Variants in VPS39 observed in about 807,000 individuals in gnomAD.
VPS39 encodes VPS39 subunit of HOPS complex.
Under a neutral mutation model 121.0 loss-of-function variants are expected in VPS39, and 70 were observed. That is an observed-to-expected ratio of 0.58 (90% CI 0.48 to 0.71). The LOEUF is 0.71. Ranked by LOEUF, VPS39 falls within the 30% of genes least tolerant of loss-of-function variation. The pLI is 0.00. For synonymous variants in VPS39, 378 were observed against 398.1 expected (o/e 0.95, Z 0.60); for missense variants, 818 against 1,051.5 (o/e 0.78, Z 3.07).
chr15:42,162,027 C>T lies in VPS39; in HGVS notation c.2460+5G>A, dbSNP rs748630471. On this transcript the variant is annotated splice_donor_5th_base_variant and intron_variant, in intron 23 of 24. Transcript: ENST00000318006. ...CACCCTAGAGTTTGGAAGGCCCATACCTACCCTCAGGAATTCTGCATGGAG... is the reference window on the plus strand; with the variant it reads ...CACCCTAGAGTTTGGAAGGCCCATATCTACCCTCAGGAATTCTGCATGGAG... 76 of 1,614,062 alleles carry T rather than the reference C, an allele frequency of 4.7e-5. No homozygotes were observed. The highest frequency in any genetic ancestry group is 6.1e-5 in the Non-Finnish European group (72 of 1,180,022).
intron 2 of VPS39, among the ~76,000 whole-genome samples, chr15:42,197,185 G>A (rs1260490630): frequency 8.8e-6 from 1 of 114,106 alleles, no homozygotes; most frequent in African/African-American, 3.4e-5. Flanking sequence ...GTGGGGTGGG[G>A]GGAGGGGGGA....
chr15:42,183,469 G>T (rs977080861), intron 8 of VPS39, among the ~76,000 whole-genome samples: 1 of 151,984 alleles, frequency 6.6e-6, no homozygotes, highest in African/African-American at 2.4e-5. Flanking sequence ...ACCTTCTCAC[G>T]GACATCTACC....
At chr15:42,193,994 C>G (rs552680757) in intron 2 of VPS39, among the ~76,000 whole-genome samples, 53 of 152,220 alleles carry the variant, frequency 3.5e-4, no homozygotes, top group African/African-American at 1.2e-3. Flanking sequence ...TCCCTTGAGA[C>G]AGCTATCGGA....
chr15:42,175,805 T>C (rs1341705693), intron 10 of VPS39, among the ~76,000 whole-genome samples: 2 of 152,062 alleles, frequency 1.3e-5, no homozygotes, highest in African/African-American at 4.8e-5. Flanking sequence ...CCAAATGCGA[T>C]AGACACAGGC....
chr15:42,187,255 A>C lies in VPS39; in HGVS notation c.534+16T>G, dbSNP rs532643550. Reference sequence around the variant, plus strand: ...CAAGATAAACTAATGATATTTGCAAAATAATAAGATTTTACCCTTATTAGG... The same window carrying C: ...CAAGATAAACTAATGATATTTGCAACATAATAAGATTTTACCCTTATTAGG... On this transcript the variant is annotated intron_variant, in intron 7 of 24. Transcript: ENST00000318006. 6.3e-7 allele frequency: 1 copy of C among 1,579,894 alleles called. No homozygotes were observed. Among genetic ancestry groups the C allele is most frequent in the South Asian group, 1.2e-5 (1 of 85,538 alleles).
Position 42,178,377 on chromosome 15 carries a change from G to C in VPS39, c.840-39C>G, listed in dbSNP as rs369948041. On this transcript the variant is annotated intron_variant, in intron 9 of 24. Coordinates refer to ENST00000318006, the MANE Select transcript of VPS39 (RefSeq NM_015289.5). ...TAAGAATATTAGCAAAAGATCACAG[G>C]CTTTGTGATGACACAGGTGACTTTA... The C allele has an allele frequency of 4.3e-5, 70 of 1,613,808 alleles. No individual in the cohort carries two copies. The African/African-American group carries it at 8.3e-4, about 19-fold the overall frequency.
At chr15:42,192,883 A>G (rs1158486676) in intron 2 of VPS39, among the ~76,000 whole-genome samples, 3 of 151,936 alleles carry the variant, frequency 2.0e-5, no homozygotes, top group Non-Finnish European at 4.4e-5. Flanking sequence ...GGTTCAAGCA[A>G]TTCTCGTGCC....
In VPS39 at chr15:42,208,268, C is replaced by A; in HGVS notation, c.-115G>T. ...CGGGATCCGGCCAGGAACCCCCCGG[C>A]TACAGGCCCTTCAACAACACAGCCA... is the stretch of plus-strand genomic sequence containing the variant. On this transcript the variant is annotated 5_prime_UTR_variant, in exon 1 of 25. It removes the in-frame stop codon of an upstream open reading frame in the 5' UTR. Coordinates refer to ENST00000318006, the MANE Select transcript of VPS39 (RefSeq NM_015289.5). The A allele has an allele frequency of 3.7e-6, 5 of 1,357,380 alleles. No homozygotes were observed. Among genetic ancestry groups the A allele is most frequent in the Non-Finnish European group, 5.0e-6 (5 of 995,546 alleles). 84.1% of individuals were successfully genotyped at this position (1,357,380 alleles called of 1,614,324 possible).
chr15:42,172,020 A>C (rs1030694536), intron 11 of VPS39, among the ~76,000 whole-genome samples: 5 of 152,166 alleles, frequency 3.3e-5, no homozygotes, highest in Non-Finnish European at 7.3e-5. Flanking sequence ...GAAATGATGC[A>C]AGGATGACAA....
intron 4 of VPS39, among the ~76,000 whole-genome samples, chr15:42,189,719 A>T (rs2049781785): frequency 1.3e-5 from 1 of 79,802 alleles, no homozygotes. Flanking sequence ...ACAGAGTGAG[A>T]CTCCGTCTCA....
At chr15:42,167,292 T>A in intron 13 of VPS39, 102 bp downstream of exon 13, 1 of 1,440,976 alleles carries the variant, frequency 6.9e-7, no homozygotes, top group South Asian at 1.4e-5. Context: ...AAGACTTCAC[T>A]CTTACTAATG....
At chr15:42,199,664 G>C (rs1206405300) in intron 2 of VPS39, 4 of 526,912 alleles carry the variant, frequency 7.6e-6, no homozygotes, top group Non-Finnish European at 1.4e-5. Flanking sequence ...CCAGTAATAA[G>C]TAATTCAGTA....
At chr15:42,168,146 G>A (rs1337399101) in intron 12 of VPS39, among the ~76,000 whole-genome samples, 1 of 152,210 alleles carries the variant, frequency 6.6e-6, no homozygotes, top group Non-Finnish European at 1.5e-5. Flanking sequence ...ATTCTCTTGA[G>A]TCTGGCAGAG....
chr15:42,162,202 T>A, intron 22 of VPS39, 36 bp from the exon 23 acceptor site: 2 of 1,612,762 alleles, frequency 1.2e-6, no homozygotes, highest in Non-Finnish European at 1.7e-6. Flanking sequence ...CTGGGTGAGG[T>A]GAACAGGAGT....
intron 2 of VPS39, among the ~76,000 whole-genome samples, chr15:42,197,843 A>G (rs2049976385): frequency 6.6e-6 from 1 of 152,128 alleles, no homozygotes. Context: ...AAATCTGGAA[A>G]CCAAATTAAC....
At chr15:42,202,328 A>AC (rs1475391827) in intron 1 of VPS39, among the ~76,000 whole-genome samples, 3 of 151,744 alleles carry the variant, frequency 2.0e-5, no homozygotes, top group African/African-American at 7.3e-5. Context: ...GGTCACACAC[A>AC]AAAAAAATGT....
chr15:42,204,421 G>A (rs1167160421), intron 1 of VPS39, among the ~76,000 whole-genome samples: 1 of 152,172 alleles, frequency 6.6e-6, no homozygotes, highest in Non-Finnish European at 1.5e-5. Flanking sequence ...AGGCCGAGGT[G>A]GGCGGATCAC....
chr15:42,187,245 A>C, intron 7 of VPS39, 26 bp downstream of exon 7: 1 of 1,562,132 alleles, frequency 6.4e-7, no homozygotes, highest in Non-Finnish European at 8.7e-7. Flanking sequence ...TAAACTAATG[A>C]TATTTGCAAA....
chr15:42,189,334 G>A (rs1188614153), intron 4 of VPS39, 126 bp from the exon 5 acceptor site: 6 of 675,730 alleles, frequency 8.9e-6, no homozygotes, highest in African/African-American at 1.8e-5. Context: ...GGTTGAAGAT[G>A]TCCCTTCAGT....
Sources: allele counts gnomAD v4.1 joint callset (sites outside exome capture counted in the v4.1 genomes callset), GRCh38; gene constraint gnomAD v4.1.1; transcripts MANE v1.5; gene names NCBI Gene and HGNC (gene_info 2026-07-23, HGNC 2026-07-21).